GPR27: variants seen among roughly 807,000 people sequenced by gnomAD.
The protein encoded by GPR27 is G protein-coupled receptor 27.
Under a neutral mutation model 2.4 loss-of-function variants are expected in GPR27, and 3 were observed. The ratio of observed to expected loss-of-function variants is 1.23; its 90% confidence interval spans 0.56 to 3.18. The LOEUF is 3.18. Ranked by LOEUF, GPR27 falls within the 30% of genes most tolerant of loss-of-function variation. The pLI is 0.03. For synonymous variants in GPR27, 367 were observed against 296.4 expected (o/e 1.24, Z -2.45); for missense variants, 526 against 566.1 (o/e 0.93, Z 0.72).
In GPR27 at chr3:71,755,215, C is replaced by G. The variant is rs2049990637; in HGVS notation, c.*38C>G. On this transcript the variant is annotated 3_prime_UTR_variant, in exon 1 of 1. Transcript: ENST00000304411. ...CACATAGACCCCCAACCCAGCCTTT[C>G]CCTTTGGCTCGGACGGTGACGTTGT... 6.7e-7 allele frequency: 1 copy of G among 1,482,438 alleles called. No individual in the cohort carries two copies. The highest frequency in any genetic ancestry group is 2.4e-5 in the East Asian group (1 of 41,434). 91.8% of individuals were successfully genotyped at this position (1,482,438 alleles called of 1,614,324 possible). A position where few individuals can be genotyped will look rare whatever the true frequency, so the allele number is the denominator to read the frequency against.
At position 71,754,699 on chromosome 3, in the gene GPR27, C is replaced by T. The variant is rs1309009073; in HGVS notation, c.650C>T (p.Ala217Val). 3.6e-5 allele frequency: 54 copies of T among 1,490,824 alleles called. No individual in the cohort carries two copies. Among genetic ancestry groups the T allele is most frequent in the Non-Finnish European group, 4.6e-5 (52 of 1,125,848 alleles). The allele number at this position is 1,490,824 out of a possible 1,614,324, so 92.3% of individuals were successfully genotyped here. The change falls in exon 1 of 1, where the codon GCG (alanine) becomes GTG (valine). Residue 217 changes from alanine to valine, a missense_variant. By Grantham distance (64) the Ala-to-Val change is moderately conservative (BLOSUM62 0). Transcript: ENST00000304411. The surrounding 1 kb of genome is among the most constrained non-coding windows in gnomAD (Gnocchi z 5.8). ...CACGACCGCCGCAAGATGCGGCCCGCGCGCCTGGTGCCCGCCGTCAGCCAC... is the reference window on the plus strand; with the variant it reads ...CACGACCGCCGCAAGATGCGGCCCGTGCGCCTGGTGCCCGCCGTCAGCCAC... ...FIHDRRKMRP[A>V]RLVPAVSHDW...
In GPR27 at chr3:71,754,281, G is replaced by A. The variant is rs749941350; in HGVS notation, c.232G>A (p.Ala78Thr). The A allele has an allele frequency of 1.2e-5, 14 of 1,166,106 alleles. No individual in the cohort carries two copies. Among genetic ancestry groups the A allele is most frequent in the East Asian group, 4.1e-5 (1 of 24,332 alleles). The allele number at this position is 1,166,106 out of a possible 1,614,324, so 72.2% of individuals were successfully genotyped here. Residue 78 changes from alanine to threonine, a missense_variant, in exon 1 of 1, where the codon GCG becomes ACG. By Grantham distance (58) the Ala-to-Thr change is moderately conservative. Around this residue, in one of 3 missense-constraint regions of GPR27, gnomAD observed 312 missense variants for 318.4 expected, o/e 0.98. Coordinates refer to ENST00000304411, the MANE Select transcript of GPR27 (RefSeq NM_018971.3). This position sits in a 1 kb window ranked among gnomAD's most constrained non-coding sequence, Gnocchi z 5.8. Reference protein sequence around the residue: ...ALACLPAVMLAARRAAAAAGA... With the variant: ...ALACLPAVMLTARRAAAAAGA... ...CGCCTGCCTCCCGGCCGTCATGCTG[G>A]CGGCGCGGCGTGCGGCGGCCGCGGC...
rs1578400111 is a variant in GPR27 at position 71,754,598 on chromosome 3, G to A, written c.549G>A (p.Ala183=). Residue 183 remains alanine (A), a synonymous_variant, in exon 1 of 1, where the codon GCG becomes GCA. Coordinates refer to ENST00000304411, the MANE Select transcript of GPR27 (RefSeq NM_018971.3). This position sits in a 1 kb window ranked among gnomAD's most constrained non-coding sequence, Gnocchi z 5.8. ...AGCGGCCCGACGGCGCCCCCGGCGC[G>A]CTGGGCTTCCTGCTGCTGCTGGCCG... The part of the protein sequence containing the change: ...LEQRPDGAPG[A]LGFLLLLAVV... 1.4e-6 allele frequency: 2 copies of A among 1,430,546 alleles called. No individual in the cohort carries two copies. Among genetic ancestry groups the A allele is most frequent in the Non-Finnish European group, 9.2e-7 (1 of 1,092,532 alleles). 88.6% of individuals were successfully genotyped at this position (1,430,546 alleles called of 1,614,324 possible).
chr3:71,754,185 G>T lies in GPR27; in HGVS notation c.136G>T (p.Glu46Ter). Reference sequence around the variant, plus strand: ...GCTGTTCGCGCTGCTGATCGTGCGGGAGCGCAGCCTGCACCGCGCCCCGTA... The same window carrying T: ...GCTGTTCGCGCTGCTGATCGTGCGGTAGCGCAGCCTGCACCGCGCCCCGTA... ...NVLFALLIVR[E>*]RSLHRAPYYL... The change falls in exon 1 of 1, where the codon GAG becomes TAG. Residue 46 changes from glutamate (E) to a stop codon, truncating the protein, a stop_gained. Transcript: ENST00000304411. LOFTEE classifies it low-confidence loss of function (END_TRUNC). The surrounding 1 kb of genome is among the most constrained non-coding windows in gnomAD (Gnocchi z 5.8). 7.0e-7 allele frequency: 1 copy of T among 1,438,186 alleles called. No homozygotes were observed. The highest frequency in any genetic ancestry group is 9.2e-7 in the Non-Finnish European group (1 of 1,083,760). The allele number at this position is 1,438,186 out of a possible 1,614,324, so 89.1% of individuals were successfully genotyped here.
In GPR27 at chr3:71,755,197, A is replaced by AC. The variant is rs2049990420; in HGVS notation, c.*25dup. ...TTATGAGGGAGGCCCCGCCACATAG[A>AC]CCCCCAACCCAGCCTTTCCCTTTGG... On this transcript the variant is annotated 3_prime_UTR_variant, in exon 1 of 1. Transcript: ENST00000304411. 3 of 1,547,738 alleles carry AC rather than the reference A, an allele frequency of 1.9e-6. No homozygotes were observed. Among genetic ancestry groups the AC allele is most frequent in the Non-Finnish European group, 2.6e-6 (3 of 1,144,912 alleles).
At position 71,754,172 on chromosome 3, in the gene GPR27, G is replaced by A; in HGVS notation, c.123G>A (p.Leu41=). The A allele has an allele frequency of 6.2e-6, 9 of 1,452,088 alleles. 1 individual carries two copies. Among genetic ancestry groups the A allele is most frequent in the Non-Finnish European group, 8.2e-6 (9 of 1,092,824 alleles). The allele number at this position is 1,452,088 out of a possible 1,614,324, so 90.0% of individuals were successfully genotyped here. A position where few individuals can be genotyped will look rare whatever the true frequency, so the allele number is the denominator to read the frequency against. ...TAGCGGGCAACGTGCTGTTCGCGCT[G>A]CTGATCGTGCGGGAGCGCAGCCTGC... ...VSLAGNVLFA[L]LIVRERSLHR... Residue 41 remains leucine (L), a synonymous_variant, in exon 1 of 1, where the codon CTG becomes CTA. Coordinates refer to ENST00000304411, the MANE Select transcript of GPR27 (RefSeq NM_018971.3). This position sits in a 1 kb window ranked among gnomAD's most constrained non-coding sequence, Gnocchi z 5.8.
At position 71,754,509 on chromosome 3, in the gene GPR27, G is replaced by A. The variant is rs2049980628; in HGVS notation, c.460G>A (p.Ala154Thr). The part of the protein sequence containing the change: ...VCAAWALALA[A>T]AFPPVLDGGG... ...CGCCGCCTGGGCGCTGGCGCTGGCC[G>A]CGGCCTTCCCGCCAGTGCTGGACGG... Residue 154 changes from alanine (A) to threonine (T), a missense_variant, in exon 1 of 1, where the codon GCG (alanine) becomes ACG (threonine). Physicochemically the swap from Ala to Thr is moderately conservative, Grantham distance 58. This residue lies in a region of GPR27 where 312 missense variants were observed against 318.4 expected (regional missense o/e 0.98). Coordinates refer to ENST00000304411, the MANE Select transcript of GPR27 (RefSeq NM_018971.3). The surrounding 1 kb of genome is among the most constrained non-coding windows in gnomAD (Gnocchi z 5.8). 7 of 1,291,498 alleles carry A rather than the reference G, an allele frequency of 5.4e-6. No homozygotes were observed. The highest frequency in any genetic ancestry group is 5.9e-6 in the Non-Finnish European group (6 of 1,021,380). The allele number at this position is 1,291,498 out of a possible 1,614,324, so 80.0% of individuals were successfully genotyped here.
Position 71,755,040 on chromosome 3 carries a change from G to A in GPR27, c.991G>A (p.Ala331Thr), listed in dbSNP as rs1472976066. The part of the protein sequence containing the change: ...TASVWLTFAQ[A>T]GINPVVCFLF... ...CTCCGTGTGGCTGACCTTCGCGCAG[G>A]CCGGCATCAACCCCGTCGTGTGCTT... is the stretch of plus-strand genomic sequence containing the variant. Residue 331 changes from alanine (A) to threonine (T), a missense_variant, in exon 1 of 1, where the codon GCC becomes ACC. By Grantham distance (58) the Ala-to-Thr change is moderately conservative (BLOSUM62 0). Around this residue, in one of 3 missense-constraint regions of GPR27, gnomAD observed 116 missense variants for 100.9 expected, o/e 1.15. Coordinates refer to ENST00000304411, the MANE Select transcript of GPR27 (RefSeq NM_018971.3). 3 of 1,612,320 alleles carry A rather than the reference G, an allele frequency of 1.9e-6. No homozygotes were observed. The highest frequency in any genetic ancestry group is 1.3e-5 in the African/African-American group (1 of 74,908).
chr3:71,754,527 C>T lies in GPR27; in HGVS notation c.478C>T (p.Leu160=), dbSNP rs1401891145. The T allele has an allele frequency of 8.9e-6, 12 of 1,340,794 alleles. No homozygotes were observed. The highest frequency in any genetic ancestry group is 1.1e-5 in the Non-Finnish European group (12 of 1,045,216). 83.1% of individuals were successfully genotyped at this position (1,340,794 alleles called of 1,614,324 possible). ...LALAAAFPPV[L]DGGGDDEDAP... ...GCTGGCCGCGGCCTTCCCGCCAGTG[C>T]TGGACGGCGGTGGCGACGACGAGGA... The change falls in exon 1 of 1, where the codon CTG becomes TTG. Residue 160 remains leucine (L), a synonymous_variant. Coordinates refer to ENST00000304411, the MANE Select transcript of GPR27 (RefSeq NM_018971.3). This position sits in a 1 kb window ranked among gnomAD's most constrained non-coding sequence, Gnocchi z 5.8.
rs1034019945 is a variant in GPR27 at position 71,754,529 on chromosome 3, G to T, written c.480G>T (p.Leu160=). The T allele has an allele frequency of 2.6e-4, 345 of 1,342,024 alleles. No individual in the cohort carries two copies. The highest frequency in any genetic ancestry group is 3.2e-4 in the Non-Finnish European group (339 of 1,045,964). The allele number at this position is 1,342,024 out of a possible 1,614,324, so 83.1% of individuals were successfully genotyped here. Residue 160 remains leucine, a synonymous_variant, in exon 1 of 1, where the codon CTG becomes CTT. Transcript: ENST00000304411. This position sits in a 1 kb window ranked among gnomAD's most constrained non-coding sequence, Gnocchi z 5.8. ...LALAAAFPPV[L]DGGGDDEDAP... ...TGGCCGCGGCCTTCCCGCCAGTGCT[G>T]GACGGCGGTGGCGACGACGAGGACG...
rs1441353616 is a variant in GPR27 at position 71,754,933 on chromosome 3, T to C, written c.884T>C (p.Leu295Pro). 2 of 1,613,400 alleles carry C rather than the reference T, an allele frequency of 1.2e-6. No homozygotes were observed. The highest frequency in any genetic ancestry group is 2.7e-5 in the African/African-American group (2 of 74,866). The change falls in exon 1 of 1, where the codon CTC becomes CCC. Residue 295 changes from leucine to proline, a missense_variant. By Grantham distance (98) the Leu-to-Pro change is moderately conservative. Coordinates refer to ENST00000304411, the MANE Select transcript of GPR27 (RefSeq NM_018971.3). The surrounding 1 kb of genome is among the most constrained non-coding windows in gnomAD (Gnocchi z 5.8). ...TACGCCGTCACGCTGCTCTTCCTGCTCCTCTGGGGGCCCTACGTCGTGGCC... is the reference window on the plus strand; with the variant it reads ...TACGCCGTCACGCTGCTCTTCCTGCCCCTCTGGGGGCCCTACGTCGTGGCC... ...MFYAVTLLFL[L>P]LWGPYVVASY... is the part of the protein sequence containing the mutation.
chr3:71,754,361 C>T lies in GPR27; in HGVS notation c.312C>T (p.Leu104=), dbSNP rs1240078958. Residue 104 remains leucine (L), a synonymous_variant, in exon 1 of 1, where the codon CTC becomes CTT. Coordinates refer to ENST00000304411, the MANE Select transcript of GPR27 (RefSeq NM_018971.3). This position sits in a 1 kb window ranked among gnomAD's most constrained non-coding sequence, Gnocchi z 5.8. ...GCKLLAFLAA[L]FCFHAAFLLL... ...AGCTGCTCGCCTTCCTGGCCGCGCT[C>T]TTCTGCTTCCACGCCGCCTTCCTGC... 2 of 1,325,618 alleles carry T rather than the reference C, an allele frequency of 1.5e-6. No individual in the cohort carries two copies. The highest frequency in any genetic ancestry group is 1.8e-5 in the South Asian group (1 of 55,010). The allele number at this position is 1,325,618 out of a possible 1,614,324, so 82.1% of individuals were successfully genotyped here.
Position 71,755,385 on chromosome 3 carries a change from G to T in GPR27, c.*208G>T. 5.3e-6 allele frequency: 3 copies of T among 566,702 alleles called. No homozygotes were observed. The South Asian group carries it at 7.2e-5, about 14-fold the overall frequency. 35.1% of individuals were successfully genotyped at this position (566,702 alleles called of 1,614,324 possible). A position where few individuals can be genotyped will look rare whatever the true frequency, so the allele number is the denominator to read the frequency against. ...CAGCCCACTCCAGCTCCGCACATTC[G>T]TCCTCCTAACTCGACTTTCTTCCTG... On this transcript the variant is annotated 3_prime_UTR_variant, in exon 1 of 1. Transcript: ENST00000304411.
In GPR27 at chr3:71,754,791, C is replaced by A. The variant is rs1559619591; in HGVS notation, c.742C>A (p.Arg248Ser). Residue 248 changes from arginine to serine, a missense_variant, in exon 1 of 1, where the codon CGC becomes AGC. Around this residue, in one of 3 missense-constraint regions of GPR27, gnomAD observed 98 missense variants for 146.7 expected, o/e 0.67. Coordinates refer to ENST00000304411, the MANE Select transcript of GPR27 (RefSeq NM_018971.3). This position sits in a 1 kb window ranked among gnomAD's most constrained non-coding sequence, Gnocchi z 5.8. ...AAANWTAGFGRGPTPPALVGI... is the reference protein window; with the variant it reads ...AAANWTAGFGSGPTPPALVGI... ...CGCCAACTGGACGGCGGGCTTCGGC[C>A]GCGGGCCCACGCCGCCCGCGCTTGT... 1 of 1,267,086 alleles carries A rather than the reference C, an allele frequency of 7.9e-7. No individual in the cohort carries two copies. The highest frequency in any genetic ancestry group is 4.4e-5 in the Admixed American group (1 of 22,732). 78.5% of individuals were successfully genotyped at this position (1,267,086 alleles called of 1,614,324 possible).
chr3:71,755,264 T>A lies in GPR27; in HGVS notation c.*87T>A. ...GTATCTTTTCCTTCTGGCCCCTGTTTAATTTTCTAAGCTGCCTTCAAAATG... is the reference window on the plus strand; with the variant it reads ...GTATCTTTTCCTTCTGGCCCCTGTTAAATTTTCTAAGCTGCCTTCAAAATG... On this transcript the variant is annotated 3_prime_UTR_variant, in exon 1 of 1. Coordinates refer to ENST00000304411, the MANE Select transcript of GPR27 (RefSeq NM_018971.3). 2 of 1,100,782 alleles carry A rather than the reference T, an allele frequency of 1.8e-6. No homozygotes were observed. The highest frequency in any genetic ancestry group is 2.6e-6 in the Non-Finnish European group (2 of 783,470). The allele number at this position is 1,100,782 out of a possible 1,614,324, so 68.2% of individuals were successfully genotyped here. A position where few individuals can be genotyped will look rare whatever the true frequency, so the allele number is the denominator to read the frequency against.
chr3:71,754,445 G>C lies in GPR27; in HGVS notation c.396G>C (p.Glu132Asp), dbSNP rs1334502270. 8.2e-6 allele frequency: 11 copies of C among 1,342,150 alleles called. No individual in the cohort carries two copies. Among genetic ancestry groups the C allele is most frequent in the Non-Finnish European group, 1.1e-5 (11 of 1,040,998 alleles). 83.1% of individuals were successfully genotyped at this position (1,342,150 alleles called of 1,614,324 possible). ...LAIAHHRFYA[E>D]RLAGWPCAAM... ...TCGCGCACCACCGCTTCTATGCAGA[G>C]CGCCTGGCCGGCTGGCCGTGCGCCG... Residue 132 changes from glutamate (E) to aspartate (D), a missense_variant, in exon 1 of 1, where the codon GAG becomes GAC. Transcript: ENST00000304411. This position sits in a 1 kb window ranked among gnomAD's most constrained non-coding sequence, Gnocchi z 5.8.
rs1347721073 is a variant in GPR27 at position 71,755,928 on chromosome 3, A to G, written c.*751A>G. On this transcript the variant is annotated 3_prime_UTR_variant, in exon 1 of 1. Transcript: ENST00000304411. The stretch of plus-strand genomic sequence containing the variant: ...ATCTTGAATGGAAACATTTCTGTCA[A>G]GTTGTAAGTTTTAAAAGAGTAAAGT... The G allele has an allele frequency of 2.0e-5, 3 of 152,224 alleles. No individual in the cohort carries two copies. Among genetic ancestry groups the G allele is most frequent in the Admixed American group, 2.0e-4 (3 of 15,286 alleles). The allele number at this position is 152,224 out of a possible 1,614,324, so 9.4% of individuals were successfully genotyped here. A position where few individuals can be genotyped will look rare whatever the true frequency, so the allele number is the denominator to read the frequency against.
rs1316191422 is a variant in GPR27, at chr3:71,754,548, G to A, written c.499G>A (p.Glu167Lys). 4 of 1,352,552 alleles carry A rather than the reference G, an allele frequency of 3.0e-6. No homozygotes were observed. Among genetic ancestry groups the A allele is most frequent in the Non-Finnish European group, 3.8e-6 (4 of 1,051,522 alleles). The allele number at this position is 1,352,552 out of a possible 1,614,324, so 83.8% of individuals were successfully genotyped here. Reference protein sequence around the residue: ...PPVLDGGGDDEDAPCALEQRP... With the variant: ...PPVLDGGGDDKDAPCALEQRP... ...AGTGCTGGACGGCGGTGGCGACGACGAGGACGCGCCGTGCGCCCTGGAGCA... is the reference window on the plus strand; with the variant it reads ...AGTGCTGGACGGCGGTGGCGACGACAAGGACGCGCCGTGCGCCCTGGAGCA... Residue 167 changes from glutamate to lysine, a missense_variant, in exon 1 of 1, where the codon GAG becomes AAG. Physicochemically the swap from Glu to Lys is moderately conservative, Grantham distance 56. This residue lies in a region of GPR27 where 312 missense variants were observed against 318.4 expected (regional missense o/e 0.98). Transcript: ENST00000304411. This position sits in a 1 kb window ranked among gnomAD's most constrained non-coding sequence, Gnocchi z 5.8.
Position 71,755,237 on chromosome 3 carries a change from T to A in GPR27, c.*60T>A, listed in dbSNP as rs1213393762. The A allele has an allele frequency of 2.3e-5, 30 of 1,321,692 alleles. No homozygotes were observed. The highest frequency in any genetic ancestry group is 3.7e-4 in the Middle Eastern group (2 of 5,378). 81.9% of individuals were successfully genotyped at this position (1,321,692 alleles called of 1,614,324 possible). ...TTTCCCTTTGGCTCGGACGGTGACG[T>A]TGTATCTTTTCCTTCTGGCCCCTGT... is the stretch of plus-strand genomic sequence containing the variant. On this transcript the variant is annotated 3_prime_UTR_variant, in exon 1 of 1. Coordinates refer to ENST00000304411, the MANE Select transcript of GPR27 (RefSeq NM_018971.3).
Sources: gnomAD v4.1 joint callset for allele counts on GRCh38, gnomAD v4.1.1 for gene constraint, gnomAD v4.1.1 regional missense constraint, Gnocchi (gnomAD v3.1) non-coding constraint, MANE v1.5 for transcripts, NCBI Gene and HGNC (gene_info 2026-07-23, HGNC 2026-07-21) for gene names.